The following OTUD7A variants were observed in gnomAD, a reference collection of about 807,000 sequenced individuals.
The protein encoded by OTUD7A is OTU deubiquitinase 7A.
Under a neutral mutation model 65.7 loss-of-function variants are expected in OTUD7A, and 12 were observed. The observed-to-expected ratio is 0.18, with a 90% confidence interval of 0.12 to 0.30. The LOEUF (loss-of-function observed/expected upper bound fraction) is 0.30, where lower values mean the gene tolerates loss of function less well. Ranked by LOEUF, OTUD7A falls within the 10% of genes least tolerant of loss-of-function variation. The pLI, the probability that OTUD7A is intolerant of heterozygous loss-of-function variation, is 1.00. For missense variants in OTUD7A, 1,148 were observed against 1,304.8 expected, an observed-to-expected ratio of 0.88 and a Z score of 1.85; for synonymous variants, 641 against 586.3, an observed-to-expected ratio of 1.09 and a Z score of -1.35.
chr15:31,814,448 G>T (rs7182228), intron 1 of OTUD7A, among the ~76,000 whole-genome samples: 1 of 151,964 alleles, frequency 6.6e-6, no homozygotes, highest in African/African-American at 2.4e-5. Flanking sequence ...CATGTGACAC[G>T]TCCTAATTCA....
intron 1 of OTUD7A, among the ~76,000 whole-genome samples, chr15:31,792,432 C>A (rs1047232624): frequency 1.3e-5 from 2 of 152,132 alleles, no homozygotes; most frequent in Non-Finnish European, 2.9e-5. Flanking sequence ...CTGCCGCCCT[C>A]TCCATAGCAT....
intron 1 of OTUD7A, among the ~76,000 whole-genome samples, chr15:31,681,959 CAAGAT>C (rs1405427514): frequency 6.6e-6 from 1 of 152,052 alleles, no homozygotes; most frequent in Non-Finnish European, 1.5e-5. Flanking sequence ...CTATGAGAGA[CAAGAT>C]GGTGTCAGGC....
chr15:31,831,953 TGGCGGAAGGGCTGGGGCAG>T lies in OTUD7A; in HGVS notation c.-100+38535_-100+38553del, dbSNP rs546944158. On this transcript the variant is annotated intron_variant, in intron 1 of 12. Transcript: ENST00000307050. ...TGATGGAGAAATCAGACAGGTTGCC[TGGCGGAAGGGCTGGGGCAG>T]GGCATGAGGGAGATTTCTGGTATGA... Among the ~76,000 whole-genome samples the T allele has an allele frequency of 5.6e-4, 86 of 152,356 alleles. No homozygotes were observed. The East Asian group carries it at 0.016, about 28-fold the overall frequency.
chr15:31,663,246 A>AACAC (rs531313199), intron 1 of OTUD7A, among the ~76,000 whole-genome samples: 7,539 of 140,562 alleles, frequency 0.054, 260 homozygotes, highest in East Asian at 0.12. Context: ...TCTTGGGCTA[A>AACAC]ACACACACAC....
intron 1 of OTUD7A, among the ~76,000 whole-genome samples, chr15:31,774,058 A>G (rs1895307032): frequency 6.6e-6 from 1 of 152,280 alleles, no homozygotes; most frequent in Admixed American, 6.5e-5. Context: ...AGACATGCCC[A>G]GAGCAGCCAC....
chr15:31,660,515 T>C (rs1416818751), intron 1 of OTUD7A, among the ~76,000 whole-genome samples: 2 of 152,242 alleles, frequency 1.3e-5, no homozygotes, highest in Non-Finnish European at 2.9e-5. Flanking sequence ...TTCATATGCG[T>C]AGAGCACATT....
At chr15:31,733,490 T>G (rs1157412893) in intron 1 of OTUD7A, among the ~76,000 whole-genome samples, 1 of 152,194 alleles carries the variant, frequency 6.6e-6, no homozygotes, top group African/African-American at 2.4e-5. Context: ...CTATTGGTCC[T>G]TCAGAGTTCA....
At chr15:31,788,513 C>A (rs1427765339) in intron 1 of OTUD7A, among the ~76,000 whole-genome samples, 1 of 152,172 alleles carries the variant, frequency 6.6e-6, no homozygotes, top group East Asian at 1.9e-4. Flanking sequence ...TACAGGTTAA[C>A]CTACTCAAGG....
At chr15:31,834,877 C>T (rs1897017520) in intron 1 of OTUD7A, among the ~76,000 whole-genome samples, 1 of 152,178 alleles carries the variant, frequency 6.6e-6, no homozygotes, top group Non-Finnish European at 1.5e-5. Flanking sequence ...GAGTAAGAAT[C>T]TTTCTGAATA....
At chr15:31,624,969 G>A (rs1235297977) in intron 3 of OTUD7A, among the ~76,000 whole-genome samples, 3 of 152,184 alleles carry the variant, frequency 2.0e-5, no homozygotes, top group South Asian at 2.1e-4. Flanking sequence ...CTGTATGACC[G>A]ATGGATTATA....
At chr15:31,842,055 A>C (rs1016036511) in intron 1 of OTUD7A, among the ~76,000 whole-genome samples, 1 of 152,240 alleles carries the variant, frequency 6.6e-6, no homozygotes. Flanking sequence ...TTTGCACTGC[A>C]CTGAGAATTA....
At chr15:31,760,938 TTTTTTAACAA>T (rs1368523961) in intron 1 of OTUD7A, among the ~76,000 whole-genome samples, 1 of 152,164 alleles carries the variant, frequency 6.6e-6, no homozygotes, top group Admixed American at 6.5e-5. Flanking sequence ...GTTTTTTTGT[TTTTTTAACAA>T]ATAATGGTCG....
At chr15:31,581,903 C>A (rs999496452) in intron 3 of OTUD7A, among the ~76,000 whole-genome samples, 1 of 152,220 alleles carries the variant, frequency 6.6e-6, no homozygotes, top group Non-Finnish European at 1.5e-5. Context: ...ATGGGTTTTT[C>A]TTTTCTACTG....
chr15:31,820,495 A>G (rs1896651459), intron 1 of OTUD7A, among the ~76,000 whole-genome samples: 1 of 152,218 alleles, frequency 6.6e-6, no homozygotes. Context: ...CAACATATAC[A>G]GTGTGTCAGG....
intron 1 of OTUD7A, among the ~76,000 whole-genome samples, chr15:31,781,948 T>C (rs1034321420): frequency 1.3e-5 from 2 of 152,256 alleles, no homozygotes; most frequent in African/African-American, 4.8e-5. Context: ...CAAGTGGTTT[T>C]CCTGAAATCA....
chr15:31,748,273 G>A (rs1894532321), intron 1 of OTUD7A, among the ~76,000 whole-genome samples: 1 of 151,672 alleles, frequency 6.6e-6, no homozygotes, highest in Non-Finnish European at 1.5e-5. Context: ...GTGGTAAAGG[G>A]GCATGATGTC....
chr15:31,782,611 C>G (rs1895569921), intron 1 of OTUD7A, among the ~76,000 whole-genome samples: 1 of 152,150 alleles, frequency 6.6e-6, no homozygotes, highest in African/African-American at 2.4e-5. Flanking sequence ...GTGGCGGCAG[C>G]AGTACTGGCC....
At chr15:31,733,839 G>C (rs1183409486) in intron 1 of OTUD7A, among the ~76,000 whole-genome samples, 13 of 152,174 alleles carry the variant, frequency 8.5e-5, no homozygotes, top group Non-Finnish European at 1.9e-4. Context: ...TCAAGAGAAA[G>C]AGGAGACCCA....
At chr15:31,542,353 CAT>C (rs1321302884) in intron 5 of OTUD7A, among the ~76,000 whole-genome samples, 2 of 151,888 alleles carry the variant, frequency 1.3e-5, no homozygotes, top group Non-Finnish European at 2.9e-5. Flanking sequence ...TTGGAAAACA[CAT>C]ATAGAACTTA....
Sources: gnomAD v4.1 joint callset for allele counts (sites outside exome capture counted in the v4.1 genomes callset) on GRCh38, gnomAD v4.1.1 for gene constraint, MANE v1.5 for transcripts, NCBI Gene and HGNC (gene_info 2026-07-23, HGNC 2026-07-21) for gene names.